The following SPEF2 variants were observed in gnomAD, a reference collection of about 807,000 sequenced individuals.
SPEF2 encodes the protein sperm flagella and cilia-associated protein 2.
Under a neutral mutation model 224.6 loss-of-function variants are expected in SPEF2, and 187 were observed. The observed-to-expected ratio is 0.83, with a 90% CI of 0.74 to 0.94. The LOEUF is 0.94. Among genes scored for constraint, SPEF2 ranks in the 40% least tolerant of loss-of-function variants. The probability of loss-of-function intolerance (pLI) is 0.00; values close to 1 mark genes in which losing one functional copy is unlikely to be tolerated. For synonymous variants in SPEF2, 715 were observed against 707.3 expected, an observed-to-expected ratio of 1.01 and a Z score of -0.17; for missense variants, 2,170 against 2,135.6, an observed-to-expected ratio of 1.02 and a Z score of -0.32.
rs1331405152 is a variant in SPEF2 at position 35,695,635 on chromosome 5, C to T, written c.1976-100C>T. Reference sequence around the variant, plus strand: ...CTGAGCATCTCAGGCATAGCTGGATCTGATAACCCTTATGTCCAAAACCAT... The same window carrying T: ...CTGAGCATCTCAGGCATAGCTGGATTTGATAACCCTTATGTCCAAAACCAT... On this transcript the variant is annotated intron_variant, in intron 13 of 36. Transcript: ENST00000356031. 3.6e-6 allele frequency: 3 copies of T among 826,410 alleles called. No homozygotes were observed. The African/African-American group carries it at 5.3e-5, about 14-fold the overall frequency. 51.2% of individuals were successfully genotyped at this position (826,410 alleles called of 1,614,324 possible).
chr5:35,736,783 G>C (rs997347218), intron 21 of SPEF2, among the ~76,000 whole-genome samples: 5 of 152,178 alleles, frequency 3.3e-5, no homozygotes, highest in Non-Finnish European at 7.4e-5. Flanking sequence ...TGGTGGAGAA[G>C]AACTCTTTGG....
chr5:35,803,964 T>C (rs904362117), intron 34 of SPEF2, among the ~76,000 whole-genome samples: 17 of 152,338 alleles, frequency 1.1e-4, no homozygotes, highest in African/African-American at 4.1e-4. Flanking sequence ...CTAGTCTAGG[T>C]GGATCTTTAA....
chr5:35,781,630 G>C (rs1403141281), intron 30 of SPEF2: 1 of 152,084 alleles, frequency 6.6e-6, no homozygotes, highest in Non-Finnish European at 1.5e-5. Flanking sequence ...AAGAATAACA[G>C]TTGTAATTAC....
chr5:35,790,175 C>A (rs1270703790), intron 30 of SPEF2: 1 of 701,754 alleles, frequency 1.4e-6, no homozygotes, highest in East Asian at 2.7e-5. Flanking sequence ...TGAAATGGAC[C>A]AAGTCACATA....
At chr5:35,786,188 C>T (rs1360928487) in intron 30 of SPEF2, among the ~76,000 whole-genome samples, 1 of 152,064 alleles carries the variant, frequency 6.6e-6, no homozygotes, top group Non-Finnish European at 1.5e-5. Flanking sequence ...TGAGCAGCCC[C>T]CAGGTGTAGT....
At chr5:35,761,993 C>T (rs536478711) in intron 25 of SPEF2, among the ~76,000 whole-genome samples, 2 of 152,274 alleles carry the variant, frequency 1.3e-5, no homozygotes, top group South Asian at 4.1e-4. Context: ...GAAACAAGAA[C>T]AATGTTAAAA....
intron 26 of SPEF2, among the ~76,000 whole-genome samples, chr5:35,766,770 G>T (rs930059669): frequency 6.6e-6 from 1 of 151,416 alleles, no homozygotes; most frequent in African/African-American, 2.4e-5. Context: ...ATACACATTT[G>T]CTACTCTAAA....
intron 10 of SPEF2, among the ~76,000 whole-genome samples, chr5:35,688,162 C>T (rs1472476074): frequency 6.6e-6 from 1 of 152,180 alleles, no homozygotes; most frequent in African/African-American, 2.4e-5. Context: ...GCACTAGCAG[C>T]AGTTCAGGTT....
In SPEF2 at chr5:35,771,457, A is replaced by G. The variant is rs74463139; in HGVS notation, c.3802-152A>G. On this transcript the variant is annotated intron_variant, in intron 26 of 36. Transcript: ENST00000356031. ...GGCCAGGTTTCCACTTAAGTAAAACATGGTGGGGTGTGTTTTGTAAAGTTC... is the reference window on the plus strand; with the variant it reads ...GGCCAGGTTTCCACTTAAGTAAAACGTGGTGGGGTGTGTTTTGTAAAGTTC... 657 of 957,470 alleles carry G rather than the reference A, an allele frequency of 6.9e-4. 5 individuals are homozygous for G. In the African/African-American group the frequency reaches 9.9e-3, roughly 14 times the overall value. 59.3% of individuals were successfully genotyped at this position (957,470 alleles called of 1,614,324 possible). A position where few individuals can be genotyped will look rare whatever the true frequency, so the allele number is the denominator to read the frequency against.
At chr5:35,713,000 T>A in intron 20 of SPEF2, 114 bp downstream of exon 20, 1 of 961,858 alleles carries the variant, frequency 1.0e-6, no homozygotes, top group Non-Finnish European at 1.5e-6. Flanking sequence ...CTCAGGCATT[T>A]GTAAATCATA....
chr5:35,699,524 C>G (rs901590226), intron 15 of SPEF2: 2 of 152,114 alleles, frequency 1.3e-5, no homozygotes, highest in Non-Finnish European at 2.9e-5. Context: ...GAAATATAAC[C>G]ACTTGCATGG....
In SPEF2 at chr5:35,807,257, A is replaced by G; in HGVS notation, c.5379+4A>G. 6 of 1,610,178 alleles carry G rather than the reference A, an allele frequency of 3.7e-6. No individual in the cohort carries two copies. Among genetic ancestry groups the G allele is most frequent in the Non-Finnish European group, 5.1e-6 (6 of 1,179,066 alleles). ...TTATTCAGACTATAAGTTTCCTGTG[A>G]GTATTACCCCAAAGTGCTCTAATTT... On this transcript the variant is annotated splice_donor_region_variant and intron_variant, in intron 36 of 36. Coordinates refer to ENST00000356031, the MANE Select transcript of SPEF2 (RefSeq NM_024867.4).
intron 36 of SPEF2, among the ~76,000 whole-genome samples, chr5:35,808,970 A>G (rs1758376700): frequency 6.6e-6 from 1 of 151,928 alleles, no homozygotes; most frequent in Admixed American, 6.6e-5. Flanking sequence ...ATGTAAGAAC[A>G]CAGGCTCTGG....
intron 10 of SPEF2, chr5:35,670,450 A>G: frequency 8.5e-7 from 1 of 1,175,622 alleles, no homozygotes; most frequent in Non-Finnish European, 1.0e-6. Flanking sequence ...GTGGTCTGAA[A>G]AAACATCAAG....
intron 24 of SPEF2, among the ~76,000 whole-genome samples, chr5:35,759,034 G>GAAAAAAAA (rs1750853373): frequency 7.8e-6 from 1 of 128,654 alleles, no homozygotes; most frequent in Non-Finnish European, 1.7e-5. Flanking sequence ...AAAAGTAAAG[G>GAAAAAAAA]AAAGAAAGAA....
intron 14 of SPEF2, 73 bp downstream of exon 14, chr5:35,695,869 T>C: frequency 8.6e-7 from 1 of 1,167,186 alleles, no homozygotes; most frequent in South Asian, 1.5e-5. Context: ...TTGGAGTGTC[T>C]TCGAATGCAA....
intron 30 of SPEF2, among the ~76,000 whole-genome samples, chr5:35,783,803 C>T (rs1341600140): frequency 6.6e-6 from 1 of 152,154 alleles, no homozygotes; most frequent in African/African-American, 2.4e-5. Flanking sequence ...GTGCCAAATA[C>T]ATAAGGAAGA....
At chr5:35,652,590 T>C (rs1012728137) in intron 6 of SPEF2, among the ~76,000 whole-genome samples, 3 of 152,188 alleles carry the variant, frequency 2.0e-5, no homozygotes, top group Non-Finnish European at 2.9e-5. Flanking sequence ...TTTTTATGTA[T>C]GTATGGTGTT....
rs576971742 is a variant in SPEF2, at chr5:35,776,041, A to G, written c.4079-216A>G. Among the ~76,000 whole-genome samples the G allele has an allele frequency of 2.6e-5, 4 of 152,332 alleles. No homozygotes were observed. In the South Asian group the frequency reaches 8.3e-4, roughly 32 times the overall value. ...CAAAGTGCAATAGATAAAAAGCTCA[A>G]TTATAGTTTTGGTTCAGATAATTTC... On this transcript the variant is annotated intron_variant, in intron 28 of 36. Transcript: ENST00000356031.
Sources: allele counts gnomAD v4.1 joint callset (sites outside exome capture counted in the v4.1 genomes callset), GRCh38; gene constraint gnomAD v4.1.1; transcripts MANE v1.5; gene names NCBI Gene and HGNC (gene_info 2026-07-23, HGNC 2026-07-21).